The following GALNT7 variants were observed in gnomAD, a reference collection of about 807,000 sequenced individuals.
The protein encoded by GALNT7 is polypeptide N-acetylgalactosaminyltransferase 7.
A neutral mutation model predicts 82.1 loss-of-function variants in GALNT7; 60 were observed. That is an observed-to-expected ratio of 0.73 (90% CI 0.59 to 0.91). The LOEUF (loss-of-function observed/expected upper bound fraction) is 0.91. Among genes scored for constraint, GALNT7 ranks in the 40% least tolerant of loss-of-function variants. The probability of loss-of-function intolerance (pLI) is 0.00; values close to 1 mark genes in which losing one functional copy is unlikely to be tolerated. For missense variants in GALNT7, 660 were observed against 804.2 expected, an observed-to-expected ratio of 0.82 and a Z score of 2.17; for synonymous variants, 243 against 275.1, an observed-to-expected ratio of 0.88 and a Z score of 1.15.
chr4:173,288,406 A>AG lies in GALNT7; in HGVS notation c.588-3702_588-3701insG, dbSNP rs1335977442. 2.0e-5 allele frequency among the ~76,000 whole-genome samples: 3 copies of AG among 152,096 alleles called. No homozygotes were observed. In the East Asian group the frequency reaches 5.8e-4, roughly 29 times the overall value. ...GGAGCCTGGTCCCTAATAGAGGGAC[A>AG]TAGGAGGGAGGGGAATTGAGGAACT... On this transcript the variant is annotated intron_variant, in intron 2 of 11. Transcript: ENST00000265000.
At chr4:173,313,649 ACT>A (rs1055477186) in intron 8 of GALNT7, among the ~76,000 whole-genome samples, 62 of 151,598 alleles carry the variant, frequency 4.1e-4, no homozygotes, top group African/African-American at 1.5e-3. Flanking sequence ...GCTCTCATAA[ACT>A]CTCTCTGAGA....
intron 8 of GALNT7, among the ~76,000 whole-genome samples, chr4:173,310,359 A>G (rs2126862173): frequency 6.6e-6 from 1 of 152,248 alleles, no homozygotes; most frequent in African/African-American, 2.4e-5. Flanking sequence ...TGCCTCACAT[A>G]TAGCTCTTCA....
intron 2 of GALNT7, among the ~76,000 whole-genome samples, chr4:173,249,724 A>T (rs1360221211): frequency 6.6e-6 from 1 of 152,180 alleles, no homozygotes; most frequent in Non-Finnish European, 1.5e-5. Context: ...ATACTTAAAA[A>T]TTTTTTTAAA....
chr4:173,197,770 G>A (rs1732821673), intron 1 of GALNT7, among the ~76,000 whole-genome samples: 1 of 152,068 alleles, frequency 6.6e-6, no homozygotes, highest in South Asian at 2.1e-4. Flanking sequence ...ATGAAGACGT[G>A]GGGTGCAATA....
intron 1 of GALNT7, among the ~76,000 whole-genome samples, chr4:173,182,659 A>AAT (rs1335127803): frequency 7.1e-6 from 1 of 141,746 alleles, no homozygotes; most frequent in Non-Finnish European, 1.5e-5. Flanking sequence ...GGTTACTCAT[A>AAT]ATACACACAC....
intron 1 of GALNT7, among the ~76,000 whole-genome samples, chr4:173,225,579 G>A (rs1007337747): frequency 2.6e-5 from 4 of 152,300 alleles, no homozygotes; most frequent in Middle Eastern, 3.4e-3. Context: ...AGTATTTTAT[G>A]TAGTGCCTCA....
intron 1 of GALNT7, among the ~76,000 whole-genome samples, chr4:173,241,093 G>A (rs1734413972): frequency 6.6e-6 from 1 of 151,900 alleles, no homozygotes; most frequent in Non-Finnish European, 1.5e-5. Context: ...TGATTAGCCA[G>A]GCACAGTAGT....
At chr4:173,242,649 G>A (rs754690676) in intron 1 of GALNT7, among the ~76,000 whole-genome samples, 1 of 152,276 alleles carries the variant, frequency 6.6e-6, no homozygotes, top group East Asian at 1.9e-4. Context: ...TCAGTCAGCC[G>A]GAAATGTCTA....
At chr4:173,284,257 T>C (rs1736227517) in intron 2 of GALNT7, among the ~76,000 whole-genome samples, 1 of 152,176 alleles carries the variant, frequency 6.6e-6, no homozygotes, top group South Asian at 2.1e-4. Context: ...TTGAAGAAGA[T>C]TAAAATAAGA....
Position 173,207,257 on chromosome 4 carries a change from C to A in GALNT7, c.126+38296C>A, listed in dbSNP as rs1468070027. ...TTCTAGTGTGTGCTACCCAAGAATG[C>A]CCCTTTATATGCTTTTTAAAAATCT... On this transcript the variant is annotated intron_variant, in intron 1 of 11. Transcript: ENST00000265000. Among the ~76,000 whole-genome samples the A allele has an allele frequency of 2.0e-5, 3 of 152,084 alleles. No homozygotes were observed. In the East Asian group the frequency reaches 5.8e-4, roughly 29 times the overall value.
chr4:173,236,523 A>T (rs891056306), intron 1 of GALNT7, among the ~76,000 whole-genome samples: 1 of 152,192 alleles, frequency 6.6e-6, no homozygotes, highest in African/African-American at 2.4e-5. Context: ...ATGTAAGAGG[A>T]TAAAGTCTGA....
chr4:173,288,162 A>T (rs1034495518), intron 2 of GALNT7, among the ~76,000 whole-genome samples: 1 of 150,554 alleles, frequency 6.6e-6, no homozygotes, highest in African/African-American at 2.5e-5. Context: ...GGGCGCCTGT[A>T]GTCCCAGCTA....
chr4:173,232,436 C>CTT (rs962501592), intron 1 of GALNT7, among the ~76,000 whole-genome samples: 1 of 144,120 alleles, frequency 6.9e-6, no homozygotes. Context: ...TTACCTTGAA[C>CTT]TTTTTTTTTT....
At chr4:173,171,319 A>G (rs779077949) in intron 1 of GALNT7, among the ~76,000 whole-genome samples, 3 of 152,174 alleles carry the variant, frequency 2.0e-5, no homozygotes, top group Non-Finnish European at 2.9e-5. Context: ...TTCGATGACT[A>G]TTGCATATAT....
chr4:173,227,831 C>T (rs1733887035), intron 1 of GALNT7, among the ~76,000 whole-genome samples: 1 of 151,974 alleles, frequency 6.6e-6, no homozygotes, highest in Non-Finnish European at 1.5e-5. Context: ...ATCGCTTAAG[C>T]TAGGGTTTTT....
rs1736700315 is a variant in GALNT7, at chr4:173,295,794, G to A, written c.916G>A (p.Val306Met). 1.9e-6 allele frequency: 3 copies of A among 1,610,748 alleles called. No individual in the cohort carries two copies. The highest frequency in any genetic ancestry group is 2.5e-6 in the Non-Finnish European group (3 of 1,176,998). ...GATATACCTTGATGCCCACTGTGAG[G>A]TGGCAGTTAACTGGTATGCACCACT... ...VLIYLDAHCE[V>M]AVNWYAPLVA... Residue 306 changes from valine to methionine, a missense_variant, in exon 5 of 12, where the codon GTG (valine) becomes ATG (methionine). Transcript: ENST00000265000.
chr4:173,298,029 T>G, intron 5 of GALNT7, 86 bp from the exon 6 acceptor site: 1 of 1,552,064 alleles, frequency 6.4e-7, no homozygotes, highest in Non-Finnish European at 8.7e-7. Context: ...TAAGTTCTTT[T>G]TTTTTTCTTC....
At chr4:173,294,632 C>T (rs1286698172) in intron 3 of GALNT7, among the ~76,000 whole-genome samples, 7 of 152,116 alleles carry the variant, frequency 4.6e-5, no homozygotes, top group East Asian at 1.9e-4. Context: ...TCATTCTGAC[C>T]GTGGTGAGCT....
At chr4:173,283,475 A>C (rs1022873006) in intron 2 of GALNT7, among the ~76,000 whole-genome samples, 2 of 152,042 alleles carry the variant, frequency 1.3e-5, no homozygotes, top group Non-Finnish European at 2.9e-5. Flanking sequence ...CCCCATCTCT[A>C]TGGAAAATAC....
Sources: allele counts gnomAD v4.1 joint callset (sites outside exome capture counted in the v4.1 genomes callset), GRCh38; gene constraint gnomAD v4.1.1; transcripts MANE v1.5; gene names NCBI Gene and HGNC (gene_info 2026-07-23, HGNC 2026-07-21).